NCS1: variants seen among roughly 807,000 people sequenced by gnomAD.
NCS1 encodes the protein frequenin homolog.
Under a neutral mutation model 28.4 loss-of-function variants are expected in NCS1, and 6 were observed. That is an observed-to-expected ratio of 0.21 (90% CI 0.12 to 0.42). NCS1 has a LOEUF of 0.42. Among genes scored for constraint, NCS1 ranks in the 10% least tolerant of loss-of-function variants. NCS1 has a pLI of 1.00. For missense variants in NCS1, 131 were observed against 241.4 expected, an observed-to-expected ratio of 0.54 and a Z score of 3.03; for synonymous variants, 86 against 99.3, an observed-to-expected ratio of 0.87 and a Z score of 0.79.
chr9:130,198,067 T>C (rs1832898611), intron 1 of NCS1, among the ~76,000 whole-genome samples: 1 of 151,868 alleles, frequency 6.6e-6, no homozygotes, highest in East Asian at 1.9e-4. Context: ...CAGCCTCAAC[T>C]GTTTCCTAAA....
At position 130,192,235 on chromosome 9, in the gene NCS1, G is replaced by A. The variant is rs572475396; in HGVS notation, c.65-8723G>A. Among the ~76,000 whole-genome samples, 12 of 152,270 alleles carry A rather than the reference G, an allele frequency of 7.9e-5. No homozygotes were observed. Among genetic ancestry groups the A allele is most frequent in the Non-Finnish European group, 1.5e-4 (10 of 68,008 alleles). ...CAGTGATGATCATGCTGACTGCCTC[G>A]TGCCAGGCAGCTCCTGCGTCTGCTG... On this transcript the variant is annotated intron_variant, in intron 1 of 7. Coordinates refer to ENST00000372398, the MANE Select transcript of NCS1 (RefSeq NM_014286.4). This position sits in a 1 kb window ranked among gnomAD's most constrained non-coding sequence, Gnocchi z 4.8.
intron 2 of NCS1, among the ~76,000 whole-genome samples, chr9:130,203,108 G>A (rs1389052762): frequency 2.0e-5 from 3 of 146,970 alleles, no homozygotes; most frequent in Admixed American, 7.1e-5. Flanking sequence ...ATGTGTGTGT[G>A]TGTGCGTGTG....
intron 6 of NCS1, among the ~76,000 whole-genome samples, chr9:130,224,778 G>A (rs1833388950): frequency 6.6e-6 from 1 of 152,014 alleles, no homozygotes; most frequent in Non-Finnish European, 1.5e-5. Flanking sequence ...CTAAAAAAAG[G>A]GACTCCAAAG....
chr9:130,206,294 A>T (rs895583622), intron 2 of NCS1, among the ~76,000 whole-genome samples: 14 of 152,144 alleles, frequency 9.2e-5, no homozygotes, highest in Admixed American at 5.9e-4. Context: ...ACAGAAGGCA[A>T]ATGAGGTGAG....
chr9:130,197,601 T>C (rs1193185598), intron 1 of NCS1, among the ~76,000 whole-genome samples: 3 of 152,158 alleles, frequency 2.0e-5, no homozygotes, highest in Non-Finnish European at 4.4e-5. Context: ...CAGAGCTCCC[T>C]GGCTGGCGGG....
In NCS1 at chr9:130,217,891, A is replaced by C; in HGVS notation, c.149A>C (p.Lys50Thr). Residue 50 changes from lysine to threonine, a missense_variant, in exon 3 of 8, where the codon AAG becomes ACG. By Grantham distance (78) the Lys-to-Thr change is moderately conservative (BLOSUM62 -1). Around this residue, in one of 2 missense-constraint regions of NCS1, gnomAD observed 100 missense variants for 210.3 expected, o/e 0.48. Coordinates refer to ENST00000372398, the MANE Select transcript of NCS1 (RefSeq NM_014286.4). ...SGQLDAAGFQ[K>T]IYKQFFPFGD... ...CAGCTGGATGCGGCAGGCTTCCAGAAGATCTACAAGCAATTCTTCCCGTTC... is the reference window on the plus strand; with the variant it reads ...CAGCTGGATGCGGCAGGCTTCCAGACGATCTACAAGCAATTCTTCCCGTTC... The C allele has an allele frequency of 6.2e-7, 1 of 1,614,176 alleles. No individual in the cohort carries two copies. Among genetic ancestry groups the C allele is most frequent in the South Asian group, 1.1e-5 (1 of 91,070 alleles).
rs1014736209 is a variant in NCS1 at position 130,226,937 on chromosome 9, C to T, written c.*17+433C>T. 2.7e-5 allele frequency among the ~76,000 whole-genome samples: 4 copies of T among 149,848 alleles called. No individual in the cohort carries two copies. Among genetic ancestry groups the T allele is most frequent in the Non-Finnish European group, 4.4e-5 (3 of 67,690 alleles). ...ACTTGGGAGGCTGAGGCAGGAGAAC[C>T]GCTTGAACCCAGGAGGTGGAGATTG... On this transcript the variant is annotated intron_variant, in intron 7 of 7. Transcript: ENST00000372398. This position sits in a 1 kb window ranked among gnomAD's most constrained non-coding sequence, Gnocchi z 4.8.
At chr9:130,189,329 T>A (rs1832784284) in intron 1 of NCS1, among the ~76,000 whole-genome samples, 1 of 152,216 alleles carries the variant, frequency 6.6e-6, no homozygotes, top group African/African-American at 2.4e-5. Context: ...CAAGGTCACT[T>A]GTCTACAGGG....
Position 130,223,167 on chromosome 9 carries a change from G to T in NCS1, c.474+8G>T, listed in dbSNP as rs201884594. On this transcript the variant is annotated splice_region_variant and intron_variant, in intron 6 of 7. Transcript: ENST00000372398. ...TTTGCCATGATGGATAAGGTGAGGT[G>T]GGGGGGCGGGGCTGGTCCTGGACCA... 1.2e-4 allele frequency: 183 copies of T among 1,590,404 alleles called. No homozygotes were observed. In the East Asian group the frequency reaches 4.0e-3, roughly 34 times the overall value.
intron 1 of NCS1, among the ~76,000 whole-genome samples, chr9:130,197,456 A>G (rs1832889385): frequency 6.6e-6 from 1 of 152,186 alleles, no homozygotes; most frequent in Non-Finnish European, 1.5e-5. Context: ...GGCCTTGGTG[A>G]TGGGCAAACC....
At position 130,228,627 on chromosome 9, in the gene NCS1, C is replaced by T. The variant is rs151154790; in HGVS notation, c.*17+2123C>T. Reference sequence around the variant, plus strand: ...TGTATCATAAAATTTGATTTGTTGGCATTTTGTTTAGGAGGTCTACACTGT... The same window carrying T: ...TGTATCATAAAATTTGATTTGTTGGTATTTTGTTTAGGAGGTCTACACTGT... On this transcript the variant is annotated intron_variant, in intron 7 of 7. Transcript: ENST00000372398. 3.8e-3 allele frequency among the ~76,000 whole-genome samples: 567 copies of T among 149,996 alleles called. 6 individuals are homozygous for T. Among genetic ancestry groups the T allele is most frequent in the African/African-American group, 0.013 (547 of 40,976 alleles).
chr9:130,216,733 G>C (rs1355192511), intron 2 of NCS1, among the ~76,000 whole-genome samples: 5 of 151,360 alleles, frequency 3.3e-5, no homozygotes, highest in Non-Finnish European at 2.9e-5. Context: ...AAAAAAAAAG[G>C]CTTCCTCGTA....
intron 4 of NCS1, among the ~76,000 whole-genome samples, chr9:130,221,393 TA>T (rs1833289278): frequency 1.8e-5 from 1 of 56,704 alleles, no homozygotes; most frequent in South Asian, 5.6e-4. Context: ...TATATATATA[TA>T]TATATATATA....
Position 130,236,244 on chromosome 9 carries a change from C to T in NCS1, c.*3272C>T, listed in dbSNP as rs1263309393. The T allele has an allele frequency of 6.6e-6, 1 of 152,212 alleles. No homozygotes were observed. The highest frequency in any genetic ancestry group is 1.5e-5 in the Non-Finnish European group (1 of 68,048). The allele number at this position is 152,212 out of a possible 1,614,324, so 9.4% of individuals were successfully genotyped here. On this transcript the variant is annotated 3_prime_UTR_variant, in exon 8 of 8. Transcript: ENST00000372398. Reference sequence around the variant, plus strand: ...CTCTGGAAAAAGCCTCCATTGCCCACCCGCCAGGCGGAAAGTCACCCTGTT... The same window carrying T: ...CTCTGGAAAAAGCCTCCATTGCCCATCCGCCAGGCGGAAAGTCACCCTGTT...
intron 2 of NCS1, among the ~76,000 whole-genome samples, chr9:130,207,770 C>G (rs536138397): frequency 6.6e-6 from 1 of 152,338 alleles, no homozygotes; most frequent in African/African-American, 2.4e-5. Flanking sequence ...GCACCAGGCT[C>G]CGCACTGGGC....
Position 130,232,413 on chromosome 9 carries a change from T to C in NCS1, c.*18-577T>C, listed in dbSNP as rs1833511659. Among the ~76,000 whole-genome samples the C allele has an allele frequency of 6.6e-6, 1 of 152,260 alleles. No individual in the cohort carries two copies. Among genetic ancestry groups the C allele is most frequent in the Non-Finnish European group, 1.5e-5 (1 of 68,042 alleles). ...ACTCCTCTGATACTGGACACTTAGA[T>C]TGTTTTCTCTGCTTCCATTTTTGTT... On this transcript the variant is annotated intron_variant, in intron 7 of 7. Coordinates refer to ENST00000372398, the MANE Select transcript of NCS1 (RefSeq NM_014286.4). The surrounding 1 kb of genome is among the most constrained non-coding windows in gnomAD (Gnocchi z 4.4).
intron 2 of NCS1, among the ~76,000 whole-genome samples, chr9:130,216,804 G>A (rs1482071055): frequency 2.0e-5 from 3 of 151,610 alleles, no homozygotes; most frequent in Non-Finnish European, 4.4e-5. Flanking sequence ...GTTCCCAGTC[G>A]CGTCAGGCCC....
intron 1 of NCS1, among the ~76,000 whole-genome samples, chr9:130,185,134 A>G (rs1290224256): frequency 6.6e-6 from 1 of 152,088 alleles, no homozygotes; most frequent in Non-Finnish European, 1.5e-5. Context: ...GGCTACTTCC[A>G]GGGGGGATGT....
intron 2 of NCS1, among the ~76,000 whole-genome samples, chr9:130,205,566 G>A (rs961052055): frequency 6.8e-6 from 1 of 147,622 alleles, no homozygotes; most frequent in Non-Finnish European, 1.5e-5. Context: ...GCCTGGGCAC[G>A]GTGGCCCACA....
Sources: allele counts gnomAD v4.1 joint callset (sites outside exome capture counted in the v4.1 genomes callset), GRCh38; gene constraint gnomAD v4.1.1; regional missense constraint gnomAD v4.1.1; non-coding constraint Gnocchi (gnomAD v3.1); transcripts MANE v1.5; gene names NCBI Gene and HGNC (gene_info 2026-07-23, HGNC 2026-07-21).